The following CNTNAP2 variants were observed in gnomAD, a reference collection of about 807,000 sequenced individuals.
The protein encoded by CNTNAP2 is contactin-associated protein-like 2.
CNTNAP2 carries 98 observed loss-of-function variants against 155.2 expected under a neutral mutation model. The observed-to-expected ratio is 0.63, with a 90% CI of 0.54 to 0.75. The LOEUF is 0.75. Among genes scored for constraint, CNTNAP2 ranks in the 30% least tolerant of loss-of-function variants. CNTNAP2 has a pLI of 0.00. For synonymous variants in CNTNAP2, 651 were observed against 631.2 expected (o/e 1.03, Z -0.47); for missense variants, 1,727 against 1,688.1 (o/e 1.02, Z -0.40).
chr7:147,511,813 G>A (rs561317249), intron 11 of CNTNAP2, among the ~76,000 whole-genome samples: 32 of 152,036 alleles, frequency 2.1e-4, no homozygotes, highest in African/African-American at 7.7e-4. Flanking sequence ...GTCCATTCTG[G>A]GCTGATTGTC....
At chr7:148,269,465 A>G (rs10952741) in intron 21 of CNTNAP2, among the ~76,000 whole-genome samples, 55,930 of 151,750 alleles carry the variant, frequency 0.37, 11,698 homozygotes, top group East Asian at 0.62. Context: ...GTGACATCAC[A>G]TGTTACACGT....
chr7:147,505,239 G>C (rs13240275), intron 11 of CNTNAP2, among the ~76,000 whole-genome samples: 1 of 152,082 alleles, frequency 6.6e-6, no homozygotes, highest in Admixed American at 6.6e-5. Context: ...AGCTCCATTA[G>C]AAATTAAAGG....
At chr7:148,412,547 C>T (rs996578456) in intron 23 of CNTNAP2, among the ~76,000 whole-genome samples, 2 of 152,212 alleles carry the variant, frequency 1.3e-5, no homozygotes, top group African/African-American at 4.8e-5. Context: ...TTTATATCAG[C>T]CTTGCCTTCT....
At chr7:146,931,229 A>G (rs540427168) in intron 3 of CNTNAP2, among the ~76,000 whole-genome samples, 1 of 152,252 alleles carries the variant, frequency 6.6e-6, no homozygotes, top group Non-Finnish European at 1.5e-5. Context: ...AAATTATAAC[A>G]AACTGTCTCT....
chr7:146,201,204 AG>A (rs1252161710), intron 1 of CNTNAP2, among the ~76,000 whole-genome samples: 1 of 152,182 alleles, frequency 6.6e-6, no homozygotes, highest in Non-Finnish European at 1.5e-5. Context: ...GTTAATGAAA[AG>A]AAAAAAAAGC....
At chr7:146,402,295 A>G (rs1187033565) in intron 1 of CNTNAP2, among the ~76,000 whole-genome samples, 1 of 152,076 alleles carries the variant, frequency 6.6e-6, no homozygotes, top group Non-Finnish European at 1.5e-5. Context: ...GCTGTTTTCT[A>G]TGTATTTGAG....
intron 16 of CNTNAP2, 152 bp downstream of exon 16, chr7:148,118,440 T>G (rs974859447): frequency 1.7e-5 from 14 of 847,416 alleles, no homozygotes; most frequent in Non-Finnish European, 2.5e-5. Context: ...AGCCTGAGTT[T>G]GGGCTCCAAC....
At chr7:148,020,390 A>G (rs1483786647) in intron 15 of CNTNAP2, among the ~76,000 whole-genome samples, 1 of 152,242 alleles carries the variant, frequency 6.6e-6, no homozygotes, top group Non-Finnish European at 1.5e-5. Context: ...TGTATAGTAT[A>G]TCTATGTGAT....
chr7:148,301,306 A>AAAAATATATATATATATATATATAT, intron 21 of CNTNAP2, among the ~76,000 whole-genome samples: 5 of 103,866 alleles, frequency 4.8e-5, no homozygotes, highest in Non-Finnish European at 9.6e-5. Context: ...AAAAAAAAAA[A>AAAAATATATATATATATATATATAT]ATATATATAT....
chr7:146,258,214 C>T (rs775110110), intron 1 of CNTNAP2, among the ~76,000 whole-genome samples: 1 of 152,042 alleles, frequency 6.6e-6, no homozygotes, highest in Non-Finnish European at 1.5e-5. Flanking sequence ...TGTCTTCATT[C>T]ATTTATTAAA....
chr7:148,218,942 T>A (rs981805693), intron 19 of CNTNAP2, among the ~76,000 whole-genome samples: 52 of 138,034 alleles, frequency 3.8e-4, no homozygotes, highest in Non-Finnish European at 7.2e-4. Flanking sequence ...CACTCTTTTT[T>A]TTTTTTTTTT....
At chr7:148,261,212 G>C (rs1168936211) in intron 20 of CNTNAP2, among the ~76,000 whole-genome samples, 1 of 151,886 alleles carries the variant, frequency 6.6e-6, no homozygotes, top group Non-Finnish European at 1.5e-5. Flanking sequence ...CCAGGCTGGA[G>C]TGCAGTGGCA....
intron 15 of CNTNAP2, among the ~76,000 whole-genome samples, chr7:148,077,091 T>A (rs191164806): frequency 6.6e-6 from 1 of 152,218 alleles, no homozygotes; most frequent in East Asian, 1.9e-4. Context: ...GTGGCTCACC[T>A]GAGGTCGGGA....
chr7:147,392,731 T>C (rs146149871), intron 9 of CNTNAP2, among the ~76,000 whole-genome samples: 2,510 of 152,010 alleles, frequency 0.017, 68 homozygotes, highest in African/African-American at 0.057. Context: ...TGTATATGTA[T>C]AAAAAAGCCA....
intron 11 of CNTNAP2, among the ~76,000 whole-genome samples, chr7:147,514,850 C>T (rs1799090608): frequency 6.6e-6 from 1 of 152,150 alleles, no homozygotes; most frequent in Non-Finnish European, 1.5e-5. Context: ...CACCATCGTC[C>T]TCTGTCTGTT....
At chr7:146,900,272 C>G (rs143937222) in intron 3 of CNTNAP2, among the ~76,000 whole-genome samples, 1 of 152,240 alleles carries the variant, frequency 6.6e-6, no homozygotes, top group East Asian at 1.9e-4. Flanking sequence ...CACAACATCT[C>G]TAGAGTAAAT....
intron 1 of CNTNAP2, among the ~76,000 whole-genome samples, chr7:146,381,913 G>C (rs1795395082): frequency 6.6e-6 from 1 of 152,128 alleles, no homozygotes; most frequent in Admixed American, 6.5e-5. Flanking sequence ...AAAATCAGAA[G>C]GCAGCGTTTA....
intron 2 of CNTNAP2, among the ~76,000 whole-genome samples, chr7:146,783,906 C>T (rs1374255332): frequency 6.6e-6 from 1 of 152,154 alleles, no homozygotes; most frequent in African/African-American, 2.4e-5. Context: ...TTGGGATTTG[C>T]TTTTATAAAA....
At chr7:147,945,322 T>A (rs10256753) in intron 14 of CNTNAP2, among the ~76,000 whole-genome samples, 256 of 152,288 alleles carry the variant, frequency 1.7e-3, no homozygotes, top group African/African-American at 5.7e-3. Context: ...GTGATTTTTT[T>A]AAAATCAATT....
Sources: allele counts gnomAD v4.1 joint callset (sites outside exome capture counted in the v4.1 genomes callset), GRCh38; gene constraint gnomAD v4.1.1; transcripts MANE v1.5; gene names NCBI Gene and HGNC (gene_info 2026-07-23, HGNC 2026-07-21).